Variants in TAF1 observed in about 807,000 individuals in gnomAD.
TAF1 encodes TATA-box binding protein associated factor 1, also known as transcription initiation factor TFIID subunit 1.
In TAF1, 2 loss-of-function variants were observed where a neutral mutation model predicts 138.5. That is an observed-to-expected ratio of 0.01 (90% CI 0.01 to 0.05). The LOEUF is 0.05. Ranked by LOEUF, TAF1 falls within the 10% of genes least tolerant of loss-of-function variation. The pLI, the probability that TAF1 is intolerant of heterozygous loss-of-function variation, is 1.00. For missense variants in TAF1, 709 were observed against 1,478.0 expected (o/e 0.48, Z 8.53); for synonymous variants, 437 against 503.2 (o/e 0.87, Z 1.76).
At position 71,424,057 on chromosome X, in the gene TAF1, C is replaced by A. The variant is rs780523309; in HGVS notation, c.4659C>A (p.Thr1553=). Residue 1553 remains threonine (T), a synonymous_variant, in exon 31 of 38, where the codon ACC becomes ACA. Transcript: ENST00000423759. The part of the protein sequence containing the change: ...KVIVNPMDLE[T]IRKNISKHKY... ...TTGTCAATCCAATGGATTTAGAGAC[C>A]ATACGTAAGGTGAGTGAGTGATTTG... 8.3e-7 allele frequency: 1 copy of A among 1,207,758 alleles called. No individual in the cohort carries two copies. Among genetic ancestry groups the A allele is most frequent in the African/African-American group, 1.7e-5 (1 of 57,592 alleles).
At chrX:71,424,474 T>C (rs1247252351) in intron 32 of TAF1, among the ~76,000 whole-genome samples, 1 of 94,791 alleles carries the variant, frequency 1.1e-5, no homozygotes, top group East Asian at 3.3e-4. Flanking sequence ...TTGCCCAGGC[T>C]GAGCTCAAGC....
Position 71,405,445 on chromosome X carries a change from G to A in TAF1, c.3999-1193G>A, listed in dbSNP as rs1386478146. Among the ~76,000 whole-genome samples, 3 of 111,578 alleles carry A rather than the reference G, an allele frequency of 2.7e-5. No homozygotes were observed. In the East Asian group the frequency reaches 8.4e-4, roughly 31 times the overall value. Reference sequence around the variant, plus strand: ...AGTTGACTGCAACCTCTGCCTCCTGGGTTCACGTGATTCTCCTGCCTTAGC... The same window carrying A: ...AGTTGACTGCAACCTCTGCCTCCTGAGTTCACGTGATTCTCCTGCCTTAGC... On this transcript the variant is annotated intron_variant, in intron 25 of 37. Transcript: ENST00000423759.
At chrX:71,424,825 A>G (rs1034518633) in intron 32 of TAF1, among the ~76,000 whole-genome samples, 3 of 110,956 alleles carry the variant, frequency 2.7e-5, no homozygotes, top group Non-Finnish European at 3.8e-5. Context: ...GGGTTTCACT[A>G]TGTTGGCCAG....
At chrX:71,410,658 C>T (rs753388476) in intron 28 of TAF1, among the ~76,000 whole-genome samples, 5 of 109,942 alleles carry the variant, frequency 4.5e-5, no homozygotes, top group South Asian at 7.7e-4. Context: ...AGGGTTTCAC[C>T]GTGTTAGCCA....
intron 13 of TAF1, among the ~76,000 whole-genome samples, chrX:71,384,463 T>G (rs1257865021): frequency 3.7e-5 from 4 of 108,060 alleles, no homozygotes; most frequent in Non-Finnish European, 7.7e-5. Flanking sequence ...CAGGCTGGAG[T>G]GCAGTGGCAT....
intron 32 of TAF1, 23 bp from the exon 33 acceptor site, chrX:71,454,147 G>C: frequency 1.7e-6 from 2 of 1,184,815 alleles, no homozygotes; most frequent in Non-Finnish European, 2.3e-6. Context: ...AAAGATAATG[G>C]CACTTTCTTA....
rs1166375687 is a variant in TAF1 at position 71,437,573 on chromosome X, G to T, written c.4753+13335G>T. 2.8e-5 allele frequency among the ~76,000 whole-genome samples: 3 copies of T among 106,328 alleles called. No individual in the cohort carries two copies. The Admixed American group carries it at 3.1e-4, about 11-fold the overall frequency. 92.3% of individuals were successfully genotyped at this position (106,328 alleles called of 115,157 possible). On this transcript the variant is annotated intron_variant, in intron 32 of 37. Transcript: ENST00000423759. Reference sequence around the variant, plus strand: ...AAAATACAAAAATTAGCCGGGACTGGTGCTGGTGACATGCACCTGGAGCTG... The same window carrying T: ...AAAATACAAAAATTAGCCGGGACTGTTGCTGGTGACATGCACCTGGAGCTG...
chrX:71,410,072 C>T (rs60218745), intron 28 of TAF1, among the ~76,000 whole-genome samples: 8,193 of 108,291 alleles, frequency 0.076, 694 homozygotes, highest in African/African-American at 0.25. Context: ...TTTGTATTTT[C>T]AGTAGAGACG....
intron 13 of TAF1, among the ~76,000 whole-genome samples, chrX:71,490,476 G>T: frequency 9.0e-6 from 1 of 110,584 alleles, no homozygotes; most frequent in South Asian, 3.9e-4. Context: ...GCCCAGGCTG[G>T]AGTGCAGTGG....
intron 34 of TAF1, among the ~76,000 whole-genome samples, chrX:71,455,246 C>T (rs1325120714): frequency 9.0e-6 from 1 of 111,529 alleles, no homozygotes; most frequent in Non-Finnish European, 1.9e-5. Flanking sequence ...CTGTGCCTTA[C>T]AGACACTTGA....
At chrX:71,387,177 T>C in intron 14 of TAF1, 84 bp from the exon 15 acceptor site, 1 of 998,752 alleles carries the variant, frequency 1.0e-6, no homozygotes, top group Non-Finnish European at 1.4e-6. Context: ...TGGAGAGCAA[T>C]AAGCTTGGTA....
intron 28 of TAF1, chrX:71,419,949 G>A (rs745814132): frequency 4.6e-5 from 11 of 240,114 alleles, no homozygotes; most frequent in Non-Finnish European, 8.3e-5. Context: ...CCCTTCCACA[G>A]TATATCTTTT....
At chrX:71,411,478 C>G (rs892440237) in intron 28 of TAF1, among the ~76,000 whole-genome samples, 1 of 107,724 alleles carries the variant, frequency 9.3e-6, no homozygotes, top group Admixed American at 9.9e-5. Flanking sequence ...GACTCTGTCT[C>G]AAAAAAAAGA....
intron 3 of TAF1, among the ~76,000 whole-genome samples, chrX:71,370,666 G>A (rs2032986780): frequency 9.0e-6 from 1 of 111,507 alleles, no homozygotes; most frequent in Admixed American, 9.7e-5. Context: ...AAACTTTTAT[G>A]TGAAGTTGCT....
chrX:71,438,989 C>T (rs750516407), intron 32 of TAF1, among the ~76,000 whole-genome samples: 2 of 111,227 alleles, frequency 1.8e-5, no homozygotes, highest in African/African-American at 3.3e-5. Context: ...CCCTTATTTT[C>T]CTCCCACCTC....
chrX:71,451,524 G>A (rs1224094204), intron 32 of TAF1, among the ~76,000 whole-genome samples: 10 of 98,469 alleles, frequency 1.0e-4, no homozygotes, highest in African/African-American at 3.4e-4. Context: ...GGTGTTTCTC[G>A]TAGAGGGGGA....
intron 13 of TAF1, among the ~76,000 whole-genome samples, chrX:71,472,589 G>A (rs1276657635): frequency 2.7e-5 from 3 of 110,663 alleles, no homozygotes; most frequent in African/African-American, 9.9e-5. Context: ...AAAACCAGCC[G>A]GGCGTGGTGG....
In TAF1 at chrX:71,387,247, T is replaced by C; in HGVS notation, c.2227-14T>C. On this transcript the variant is annotated splice_polypyrimidine_tract_variant and intron_variant, in intron 14 of 37. Coordinates refer to ENST00000423759, the MANE Select transcript of TAF1 (RefSeq NM_004606.5). ...CTACTCTGTATATAATTTTTGTGTT[T>C]TTACTTTTGTTAGGCATTTGAGAAC... The C allele has an allele frequency of 8.3e-7, 1 of 1,211,279 alleles. No individual in the cohort carries two copies. The highest frequency in any genetic ancestry group is 1.1e-6 in the Non-Finnish European group (1 of 895,059).
Position 71,512,371 on chromosome X carries a change from C to CT in TAF1, c.1367-16168dup, listed in dbSNP as rs754960181. 2.9e-4 allele frequency among the ~76,000 whole-genome samples: 33 copies of CT among 112,037 alleles called. No homozygotes were observed. In the South Asian group the frequency reaches 0.012, roughly 41 times the overall value. On this transcript the variant is annotated intron_variant and NMD_transcript_variant, in intron 13 of 14. Coordinates refer to the TAF1 transcript ENST00000373775. ...CTTCTGATCCAGATGCCTCACATTTCTTTAGTATTCACACATACAAAGTAC... is the reference window on the plus strand; with the variant it reads ...CTTCTGATCCAGATGCCTCACATTTCTTTTAGTATTCACACATACAAAGTAC...
Sources: gnomAD v4.1 joint callset for allele counts (sites outside exome capture counted in the v4.1 genomes callset) on GRCh38, gnomAD v4.1.1 for gene constraint, MANE v1.5 for transcripts, NCBI Gene and HGNC (gene_info 2026-07-23, HGNC 2026-07-21) for gene names.